Variants in INF2 observed in about 807,000 individuals in gnomAD.
INF2 encodes inverted formin-2.
INF2 carries 43 observed loss-of-function variants against 123.5 expected under a neutral mutation model. The ratio of observed to expected loss-of-function variants is 0.35; its 90% CI spans 0.27 to 0.45. The LOEUF (loss-of-function observed/expected upper bound fraction) is 0.45. Among genes scored for constraint, INF2 ranks in the 20% least tolerant of loss-of-function variants. The probability of loss-of-function intolerance (pLI) is 1.00; values close to 1 mark genes in which losing one functional copy is unlikely to be tolerated. For synonymous variants in INF2, 851 were observed against 745.0 expected, an observed-to-expected ratio of 1.14 and a Z score of -2.32; for missense variants, 1,453 against 1,682.7, an observed-to-expected ratio of 0.86 and a Z score of 2.39.
chr14:104,707,478 G>T lies in INF2; in HGVS notation c.1211G>T (p.Ser404Ile), dbSNP rs759535604. 1.3e-6 allele frequency: 2 copies of T among 1,551,514 alleles called. No homozygotes were observed. The highest frequency in any genetic ancestry group is 8.7e-7 in the Non-Finnish European group (1 of 1,148,108). ...CEPVDHAQSE[S>I]ILKVSQPRAL... ...CCCGTGGACCACGCCCAGAGTGAGAGCATCCTGAAAGTTTCGCAGCCCAGA... is the reference window on the plus strand; with the variant it reads ...CCCGTGGACCACGCCCAGAGTGAGATCATCCTGAAAGTTTCGCAGCCCAGA... The change falls in exon 8 of 23, where the codon AGC becomes ATC. Residue 404 changes from serine (S) to isoleucine (I), a missense_variant. Coordinates refer to ENST00000392634, the MANE Select transcript of INF2 (RefSeq NM_022489.4).
At chr14:104,702,764 G>A (rs1889590016) in intron 2 of INF2, among the ~76,000 whole-genome samples, 1 of 152,348 alleles carries the variant, frequency 6.6e-6, no homozygotes, top group East Asian at 1.9e-4. Flanking sequence ...GCTCCAGATG[G>A]GGTGGGAGGC....
intron 10 of INF2, 69 bp from the exon 11 acceptor site, chr14:104,709,212 G>T: frequency 8.1e-7 from 1 of 1,236,032 alleles, no homozygotes; most frequent in South Asian, 1.3e-5. Flanking sequence ...GCCAGGTGGG[G>T]TCCCAAAGAG....
At chr14:104,713,692 G>C in intron 20 of INF2, 86 bp downstream of exon 20, 5 of 1,462,428 alleles carry the variant, frequency 3.4e-6, no homozygotes, top group Non-Finnish European at 4.6e-6. Flanking sequence ...GACTTCACTG[G>C]AAAGCCCTCT....
rs369037445 is a variant in INF2, at chr14:104,701,620, G to A, written c.255G>A (p.Ser85=). The A allele has an allele frequency of 2.0e-5, 32 of 1,602,800 alleles. No homozygotes were observed. The highest frequency in any genetic ancestry group is 2.6e-5 in the Non-Finnish European group (31 of 1,177,666). Residue 85 remains serine, a synonymous_variant, in exon 2 of 23, where the codon TCG becomes TCA. Coordinates refer to ENST00000392634, the MANE Select transcript of INF2 (RefSeq NM_022489.4). ...DLLLEALARL[S]GRGVARISDA... ...TGCTGGAGGCGCTGGCGCGGCTGTCGGGCCGCGGCGTTGCACGTATCTCCG... is the reference window on the plus strand; with the variant it reads ...TGCTGGAGGCGCTGGCGCGGCTGTCAGGCCGCGGCGTTGCACGTATCTCCG...
In INF2 at chr14:104,699,672, G is replaced by A. The variant is rs1354882793; in HGVS notation, c.-9-1685G>A. The A allele has an allele frequency of 7.3e-6, 6 of 822,102 alleles. No homozygotes were observed. In the East Asian group the frequency reaches 6.2e-4, roughly 85 times the overall value. 50.9% of individuals were successfully genotyped at this position (822,102 alleles called of 1,614,324 possible). On this transcript the variant is annotated intron_variant, in intron 1 of 22. Coordinates refer to ENST00000392634, the MANE Select transcript of INF2 (RefSeq NM_022489.4). This position sits in a 1 kb window ranked among gnomAD's most constrained non-coding sequence, Gnocchi z 4.7. ...GGCTTAAAACCACAGTGCACCGGGG[G>A]CTCCGGGCTCTCCGTTCTACAGTGC...
rs971687511 is a variant in INF2 at position 104,699,347 on chromosome 14, CTT to C, written c.-9-2008_-9-2007del. The C allele has an allele frequency of 1.1e-5, 11 of 973,638 alleles. No individual in the cohort carries two copies. Among genetic ancestry groups the C allele is most frequent in the Non-Finnish European group, 1.3e-5 (11 of 819,448 alleles). 60.3% of individuals were successfully genotyped at this position (973,638 alleles called of 1,614,324 possible). A position where few individuals can be genotyped will look rare whatever the true frequency, so the allele number is the denominator to read the frequency against. The stretch of plus-strand genomic sequence containing the variant: ...GAAAGGAGGGTCAGTTCTGGGGCCT[CTT>C]TAGGCAGCAACAGCCAAGGCGGGTG... On this transcript the variant is annotated intron_variant, in intron 1 of 22. Transcript: ENST00000392634. The surrounding 1 kb of genome is among the most constrained non-coding windows in gnomAD (Gnocchi z 4.7).
At chr14:104,707,207 C>T (rs1486531145) in intron 7 of INF2, 46 bp from the exon 8 acceptor site, 1 of 1,566,644 alleles carries the variant, frequency 6.4e-7, no homozygotes, top group Non-Finnish European at 8.7e-7. Flanking sequence ...CCATCCCTCC[C>T]TCTCCGGCTC....
rs761825172 is a variant in INF2 at position 104,708,495 on chromosome 14, T to C, written c.1795T>C (p.Phe599Leu). Residue 599 changes from phenylalanine to leucine, a missense_variant, in exon 9 of 23, where the codon TTC (phenylalanine) becomes CTC (leucine). By Grantham distance (22) the Phe-to-Leu change is conservative. Transcript: ENST00000392634. Reference sequence around the variant, plus strand: ...CGACGCCGAGGCTGTGGAGCCCGACTTCTCCAGCATCGAGCGACTATTCTC... The same window carrying C: ...CGACGCCGAGGCTGTGGAGCCCGACCTCTCCAGCATCGAGCGACTATTCTC... ...SPDAEAVEPD[F>L]SSIERLFSFP... The C allele has an allele frequency of 4.3e-6, 7 of 1,612,484 alleles. No homozygotes were observed. Among genetic ancestry groups the C allele is most frequent in the Non-Finnish European group, 5.9e-6 (7 of 1,179,796 alleles).
At position 104,719,520 on chromosome 14, in the gene INF2, AGG is replaced by A. The variant is rs1166623525; in HGVS notation, c.*729_*730del. The stretch of plus-strand genomic sequence containing the variant: ...CTGCCCCCTCACTGCCCACCCAGCG[AGG>A]GCAGCCTACCCGAGCCTGCCCCCTG... On this transcript the variant is annotated 3_prime_UTR_variant, in exon 23 of 23. Transcript: ENST00000392634. The A allele has an allele frequency of 6.6e-6, 1 of 152,124 alleles. No individual in the cohort carries two copies. Among genetic ancestry groups the A allele is most frequent in the African/African-American group, 2.4e-5 (1 of 41,438 alleles). The allele number at this position is 152,124 out of a possible 1,614,324, so 9.4% of individuals were successfully genotyped here.
rs766576610 is a variant in INF2 at position 104,710,136 on chromosome 14, C to T, written c.2187C>T (p.Ala729=). The T allele has an allele frequency of 1.0e-4, 159 of 1,553,282 alleles. 1 individual carries two copies. Among genetic ancestry groups the T allele is most frequent in the Non-Finnish European group, 2.2e-5 (25 of 1,149,134 alleles). The stretch of plus-strand genomic sequence containing the variant: ...TGCTGCTGTGTGAGGGCGCGGCCGC[C>T]GTGCTGGACATGGTGCGGCCCAAGG... The part of the protein sequence containing the change: ...ECMLLCEGAA[A]VLDMVRPKAQ... Residue 729 remains alanine (A), a synonymous_variant, in exon 13 of 23, where the codon GCC becomes GCT. Transcript: ENST00000392634.
rs368134734 is a variant in INF2, at chr14:104,708,419, G to A, written c.1736-17G>A. On this transcript the variant is annotated splice_polypyrimidine_tract_variant and intron_variant, in intron 8 of 22. Transcript: ENST00000392634. Reference sequence around the variant, plus strand: ...CGGGGCTGCGAGAGCCTCACTGGCCGTGTCCCCACCCGACAGAGCACAACT... The same window carrying A: ...CGGGGCTGCGAGAGCCTCACTGGCCATGTCCCCACCCGACAGAGCACAACT... 5.3e-5 allele frequency: 86 copies of A among 1,610,302 alleles called. No homozygotes were observed. Among genetic ancestry groups the A allele is most frequent in the East Asian group, 8.9e-5 (4 of 44,876 alleles).
Position 104,703,371 on chromosome 14 carries a change from T to C in INF2, c.584T>C (p.Val195Ala), listed in dbSNP as rs910783875. Residue 195 changes from valine (V) to alanine (A), a missense_variant, in exon 4 of 23, where the codon GTC (valine) becomes GCC (alanine). Val to Ala is a moderately conservative substitution (Grantham distance 64). Coordinates refer to ENST00000392634, the MANE Select transcript of INF2 (RefSeq NM_022489.4). ...LSGSDNVPYV[V>A]TLLSVINAVI... ...GGCAGCGACAACGTGCCCTACGTGG[T>C]CACCCTGCTTAGCGTGATCAACGCC... The C allele has an allele frequency of 6.2e-7, 1 of 1,612,890 alleles. No individual in the cohort carries two copies. Among genetic ancestry groups the C allele is most frequent in the Non-Finnish European group, 8.5e-7 (1 of 1,179,944 alleles).
At position 104,699,344 on chromosome 14, in the gene INF2, C is replaced by T. The variant is rs1323463483; in HGVS notation, c.-9-2013C>T. On this transcript the variant is annotated intron_variant, in intron 1 of 22. Transcript: ENST00000392634. This position sits in a 1 kb window ranked among gnomAD's most constrained non-coding sequence, Gnocchi z 4.7. ...GAGGAAAGGAGGGTCAGTTCTGGGG[C>T]CTCTTTAGGCAGCAACAGCCAAGGC... 1.0e-5 allele frequency: 10 copies of T among 958,746 alleles called. No individual in the cohort carries two copies. Among genetic ancestry groups the T allele is most frequent in the African/African-American group, 3.5e-5 (2 of 56,562 alleles). The allele number at this position is 958,746 out of a possible 1,614,324, so 59.4% of individuals were successfully genotyped here.
upstream of INF2, among the ~76,000 whole-genome samples, chr14:104,686,728 A>G (rs1888673709): frequency 6.6e-6 from 1 of 152,196 alleles, no homozygotes; most frequent in Non-Finnish European, 1.5e-5. Flanking sequence ...GACCCCAGGA[A>G]GCCCTTCTGG....
chr14:104,704,064 G>C (rs1271256467), intron 5 of INF2, 115 bp downstream of exon 5: 2 of 1,565,938 alleles, frequency 1.3e-6, no homozygotes, highest in African/African-American at 2.7e-5. Flanking sequence ...ATGGCAGGGA[G>C]GTGGCTCCCT....
chr14:104,689,735 A>C lies in INF2; in HGVS notation c.-14A>C. 2 of 984,858 alleles carry C rather than the reference A, an allele frequency of 2.0e-6. No individual in the cohort carries two copies. Among genetic ancestry groups the C allele is most frequent in the African/African-American group, 1.7e-5 (1 of 57,208 alleles). The allele number at this position is 984,858 out of a possible 1,614,324, so 61.0% of individuals were successfully genotyped here. ...ACCACCGCCCTCTGGCCGTTGCCTC[A>C]CCGGGTAAGTCCTTGGCCTCGGGGT... On this transcript the variant is annotated 5_prime_UTR_variant, in exon 1 of 23. Transcript: ENST00000392634.
At chr14:104,695,314 C>G (rs1238746117) in intron 1 of INF2, among the ~76,000 whole-genome samples, 2 of 152,140 alleles carry the variant, frequency 1.3e-5, no homozygotes, top group Non-Finnish European at 2.9e-5. Context: ...AGCCGCTCGT[C>G]CCCCCATGCC....
At chr14:104,702,074 C>T (rs1889540960) in intron 2 of INF2, among the ~76,000 whole-genome samples, 1 of 152,156 alleles carries the variant, frequency 6.6e-6, no homozygotes, top group African/African-American at 2.4e-5. Context: ...GGCTCTCTGC[C>T]CTCGTCCACA....
At chr14:104,696,439 C>G (rs1889194490) in intron 1 of INF2, among the ~76,000 whole-genome samples, 1 of 152,232 alleles carries the variant, frequency 6.6e-6, no homozygotes, top group South Asian at 2.1e-4. Context: ...GCCTTGAGGC[C>G]CCCTGTGCAC....
Sources: gnomAD v4.1 joint callset for allele counts (sites outside exome capture counted in the v4.1 genomes callset) on GRCh38, gnomAD v4.1.1 for gene constraint, Gnocchi (gnomAD v3.1) non-coding constraint, MANE v1.5 for transcripts, NCBI Gene and HGNC (gene_info 2026-07-23, HGNC 2026-07-21) for gene names.